The following SRL variants were observed in gnomAD, a reference collection of about 807,000 sequenced individuals.
The protein encoded by SRL is sarcalumenin.
SRL carries 23 observed loss-of-function variants against 39.5 expected under a neutral mutation model. The observed-to-expected ratio is 0.58, with a 90% CI of 0.42 to 0.82. The LOEUF (loss-of-function observed/expected upper bound fraction) is 0.82, where lower values mean the gene tolerates loss of function less well. SRL is among the 40% of genes least tolerant of loss of function. SRL has a pLI of 0.00. For missense variants in SRL, 592 were observed against 607.8 expected (o/e 0.97, Z 0.27); for synonymous variants, 272 against 237.4 (o/e 1.15, Z -1.34).
At chr16:4,195,155 A>C (rs2052118929) in intron 5 of SRL, among the ~76,000 whole-genome samples, 1 of 152,080 alleles carries the variant, frequency 6.6e-6, no homozygotes, top group Admixed American at 6.6e-5. Context: ...TTGGCCTCCC[A>C]GAGTGCTGGG....
chr16:4,226,255 C>A (rs994052023), intron 1 of SRL, among the ~76,000 whole-genome samples: 1 of 152,208 alleles, frequency 6.6e-6, no homozygotes, highest in East Asian at 1.9e-4. Flanking sequence ...GTAGCCCCTG[C>A]ACCTAGGGCA....
chr16:4,200,745 G>T (rs930863936), intron 3 of SRL, among the ~76,000 whole-genome samples: 2 of 152,220 alleles, frequency 1.3e-5, no homozygotes, highest in Admixed American at 6.5e-5. Flanking sequence ...AATAGTACAG[G>T]TAGCTGTGGA....
intron 1 of SRL, among the ~76,000 whole-genome samples, chr16:4,212,659 C>T (rs1269261155): frequency 6.6e-6 from 1 of 152,182 alleles, no homozygotes; most frequent in Non-Finnish European, 1.5e-5. Context: ...CCAGGCCAGG[C>T]CCGGGACTGA....
intron 1 of SRL, among the ~76,000 whole-genome samples, chr16:4,228,434 T>A (rs2052616453): frequency 6.6e-6 from 1 of 150,966 alleles, no homozygotes; most frequent in African/African-American, 2.4e-5. Context: ...AGACTCCACC[T>A]TGAAACAAAC....
At chr16:4,196,531 G>A (rs1398461172) in intron 4 of SRL, among the ~76,000 whole-genome samples, 3 of 148,536 alleles carry the variant, frequency 2.0e-5, no homozygotes, top group Non-Finnish European at 4.4e-5. Flanking sequence ...GCCCAGGCTG[G>A]AGTGCAGTGG....
At chr16:4,240,785 G>A (rs1240884732) in intron 1 of SRL, among the ~76,000 whole-genome samples, 2 of 152,210 alleles carry the variant, frequency 1.3e-5, no homozygotes, top group African/African-American at 2.4e-5. Flanking sequence ...GAGGGTGGCA[G>A]CGGCTTGGGG....
At chr16:4,241,801 G>A (rs1394661042) in intron 1 of SRL, among the ~76,000 whole-genome samples, 1 of 152,180 alleles carries the variant, frequency 6.6e-6, no homozygotes, top group African/African-American at 2.4e-5. Flanking sequence ...CTTCCTGAGG[G>A]CCCCGCAACT....
intron 1 of SRL, among the ~76,000 whole-genome samples, chr16:4,226,999 G>C (rs2052598061): frequency 6.6e-6 from 1 of 151,568 alleles, no homozygotes; most frequent in Non-Finnish European, 1.5e-5. Flanking sequence ...TGGATGAGTG[G>C]GTGGATGGAT....
chr16:4,207,180 T>A (rs2052332561), intron 1 of SRL: 1 of 456,890 alleles, frequency 2.2e-6, no homozygotes, highest in Non-Finnish European at 4.4e-6. Flanking sequence ...TTCGGACTCC[T>A]CTTCGGAGGG....
Position 4,192,372 on chromosome 16 carries a change from A to G in SRL, c.1203T>C (p.Tyr401=), listed in dbSNP as rs769450869. 8.1e-6 allele frequency: 13 copies of G among 1,614,202 alleles called. No homozygotes were observed. The South Asian group carries it at 9.9e-5, about 12-fold the overall frequency. Residue 401 remains tyrosine (Y), a synonymous_variant, in exon 6 of 6, where the codon TAT becomes TAC. Transcript: ENST00000399609. This position sits in a 1 kb window ranked among gnomAD's most constrained non-coding sequence, Gnocchi z 4.0. The part of the protein sequence containing the change: ...SKFDLPNREA[Y]KDFFGINPIS... The stretch of plus-strand genomic sequence containing the variant: ...TGGGATTGATGCCGAAGAAGTCCTT[A>G]TAGGCCTCGCGGTTGGGAAGGTCAA...
chr16:4,203,093 A>C (rs2052259035), intron 3 of SRL, 73 bp downstream of exon 3: 2 of 1,319,456 alleles, frequency 1.5e-6, no homozygotes, highest in Non-Finnish European at 2.2e-6. Context: ...CAGGCCGGTC[A>C]GCAGTGTGGC....
chr16:4,234,122 G>A (rs972233711), intron 1 of SRL, among the ~76,000 whole-genome samples: 1 of 152,034 alleles, frequency 6.6e-6, no homozygotes, highest in African/African-American at 2.4e-5. Context: ...AGCCCCCTGA[G>A]TAGCTGAGAC....
intron 3 of SRL, among the ~76,000 whole-genome samples, chr16:4,200,708 G>A (rs1597270130): frequency 6.6e-6 from 1 of 152,334 alleles, no homozygotes; most frequent in Non-Finnish European, 1.5e-5. Flanking sequence ...ACAAAGGGGG[G>A]CGATAATTGG....
chr16:4,230,381 A>ATT (rs5815199), intron 1 of SRL, among the ~76,000 whole-genome samples: 23 of 138,832 alleles, frequency 1.7e-4, no homozygotes, highest in African/African-American at 5.1e-4. Flanking sequence ...TCAGAATGTG[A>ATT]TTTTTTTTTT....
chr16:4,204,026 G>C (rs532416754), intron 2 of SRL, among the ~76,000 whole-genome samples: 3 of 152,332 alleles, frequency 2.0e-5, no homozygotes, highest in East Asian at 1.9e-4. Flanking sequence ...TGACGAGTCA[G>C]GCTAGCGAGA....
intron 1 of SRL, among the ~76,000 whole-genome samples, chr16:4,234,586 C>T (rs1285517030): frequency 6.6e-6 from 1 of 152,156 alleles, no homozygotes; most frequent in Non-Finnish European, 1.5e-5. Flanking sequence ...CACAGGCTGC[C>T]GCCATCGAGG....
At chr16:4,239,577 G>A (rs1413913823) in intron 1 of SRL, 2 of 152,322 alleles carry the variant, frequency 1.3e-5, no homozygotes, top group Non-Finnish European at 2.9e-5. Context: ...GCAAACTAGG[G>A]AAACTCCCCC....
intron 1 of SRL, among the ~76,000 whole-genome samples, chr16:4,233,485 A>G (rs2052680213): frequency 6.6e-6 from 1 of 152,204 alleles, no homozygotes; most frequent in Non-Finnish European, 1.5e-5. Flanking sequence ...CGTTGGGCTG[A>G]AACCCTGTCC....
chr16:4,200,008 C>A (rs973048927), intron 3 of SRL, among the ~76,000 whole-genome samples: 14 of 152,136 alleles, frequency 9.2e-5, no homozygotes, highest in African/African-American at 3.4e-4. Flanking sequence ...CATCTTTTTA[C>A]AGAGAGCGTT....
Sources: allele counts gnomAD v4.1 joint callset (sites outside exome capture counted in the v4.1 genomes callset), GRCh38; gene constraint gnomAD v4.1.1; non-coding constraint Gnocchi (gnomAD v3.1); transcripts MANE v1.5; gene names NCBI Gene and HGNC (gene_info 2026-07-23, HGNC 2026-07-21).